Variants in MAGED1 observed in about 807,000 individuals in gnomAD.
MAGED1 encodes MAGE family member D1, also known as melanoma-associated antigen D1.
MAGED1 carries 3 observed loss-of-function variants against 54.1 expected under a neutral mutation model. That is an observed-to-expected ratio of 0.06 (90% confidence interval 0.03 to 0.14). The LOEUF (loss-of-function observed/expected upper bound fraction) is 0.14. Among genes scored for constraint, MAGED1 ranks in the 10% least tolerant of loss-of-function variants. MAGED1 has a pLI of 1.00. For synonymous variants in MAGED1, 217 were observed against 227.3 expected (o/e 0.95, Z 0.41); for missense variants, 485 against 623.4 (o/e 0.78, Z 2.36).
chrX:51,860,839 G>A (rs1927257182), intron 1 of MAGED1, among the ~76,000 whole-genome samples: 1 of 110,491 alleles, frequency 9.1e-6, no homozygotes, highest in Non-Finnish European at 1.9e-5. Flanking sequence ...AGGTAGGAGG[G>A]GGACCAGAGG....
At chrX:51,897,505 G>T (rs782748893) in intron 5 of MAGED1, 42 bp from the exon 6 acceptor site, 1 of 1,057,464 alleles carries the variant, frequency 9.5e-7, no homozygotes, top group East Asian at 3.0e-5. Flanking sequence ...GCTGCTCTGT[G>T]GCCCCCGCTC....
intron 1 of MAGED1, among the ~76,000 whole-genome samples, chrX:51,804,467 C>T (rs1376833579): frequency 4.5e-5 from 5 of 112,039 alleles, no homozygotes; most frequent in Admixed American, 3.8e-4. Context: ...CATTATTACA[C>T]AGCATTTAAA....
chrX:51,818,113 ACTTCCTCATTT>A (rs1925499013), intron 1 of MAGED1, among the ~76,000 whole-genome samples: 1 of 111,678 alleles, frequency 9.0e-6, no homozygotes, highest in African/African-American at 3.3e-5. Flanking sequence ...GGTTTTAGCA[ACTTCCTCATTT>A]CTCCCTCTGG....
chrX:51,840,372 A>G (rs1433431894), intron 1 of MAGED1, among the ~76,000 whole-genome samples: 1 of 110,810 alleles, frequency 9.0e-6, no homozygotes, highest in African/African-American at 3.3e-5. Flanking sequence ...CGGAGTATAA[A>G]AGGCTCTGCA....
At chrX:51,814,279 C>T (rs1001752942) in intron 1 of MAGED1, among the ~76,000 whole-genome samples, 6 of 111,599 alleles carry the variant, frequency 5.4e-5, no homozygotes, top group Non-Finnish European at 1.1e-4. Context: ...CTGCCGCTGC[C>T]GCTGCTGCTA....
intron 1 of MAGED1, among the ~76,000 whole-genome samples, chrX:51,884,062 G>C (rs1928157420): frequency 1.8e-5 from 2 of 111,373 alleles, no homozygotes; most frequent in Non-Finnish European, 3.8e-5. Flanking sequence ...TGTAATCACA[G>C]AAGAGAGAGA....
At chrX:51,865,749 GT>G (rs1168844524) in intron 1 of MAGED1, among the ~76,000 whole-genome samples, 2 of 111,608 alleles carry the variant, frequency 1.8e-5, no homozygotes, top group Non-Finnish European at 3.8e-5. Flanking sequence ...TTGGATTTGT[GT>G]CCCCACCTAA....
chrX:51,885,119 C>G (rs1557362738), intron 1 of MAGED1, among the ~76,000 whole-genome samples: 1 of 111,817 alleles, frequency 8.9e-6, no homozygotes, highest in Non-Finnish European at 1.9e-5. Flanking sequence ...TATGACAGTT[C>G]TGTTTTTAGT....
intron 1 of MAGED1, among the ~76,000 whole-genome samples, chrX:51,829,345 A>G (rs1229923861): frequency 1.8e-5 from 2 of 109,989 alleles, no homozygotes; most frequent in Non-Finnish European, 3.8e-5. Context: ...GTATATGTAT[A>G]TATATGTGAA....
At chrX:51,821,472 C>T (rs1925629676) in intron 1 of MAGED1, among the ~76,000 whole-genome samples, 1 of 111,127 alleles carries the variant, frequency 9.0e-6, no homozygotes, top group Non-Finnish European at 1.9e-5. Flanking sequence ...CTCACTGCAG[C>T]CTCGACCTCC....
intron 1 of MAGED1, among the ~76,000 whole-genome samples, chrX:51,855,769 G>T (rs1263806004): frequency 2.7e-5 from 3 of 110,733 alleles, no homozygotes; most frequent in Non-Finnish European, 5.7e-5. Flanking sequence ...CAAATGATCT[G>T]CCCGCCTCGG....
intron 2 of MAGED1, 140 bp downstream of exon 2, chrX:51,894,489 C>T (rs1027270988): frequency 9.8e-6 from 8 of 818,636 alleles, no homozygotes; most frequent in Non-Finnish European, 1.4e-5. Flanking sequence ...GAATTCCCAT[C>T]GTTTATCGAA....
At chrX:51,842,448 C>T (rs905472656) in intron 1 of MAGED1, among the ~76,000 whole-genome samples, 2 of 111,073 alleles carry the variant, frequency 1.8e-5, no homozygotes, top group African/African-American at 6.6e-5. Flanking sequence ...TGCATATCTT[C>T]TTTATGTAAA....
At chrX:51,828,941 T>TG (rs1925958028) in intron 1 of MAGED1, among the ~76,000 whole-genome samples, 2 of 111,485 alleles carry the variant, frequency 1.8e-5, no homozygotes, top group African/African-American at 6.5e-5. Flanking sequence ...TTTCTACTTG[T>TG]ATCACATCTC....
intron 1 of MAGED1, 51 bp from the exon 2 acceptor site, chrX:51,894,218 G>C (rs1365272968): frequency 5.6e-6 from 4 of 713,657 alleles, no homozygotes; most frequent in Non-Finnish European, 8.6e-6. Context: ...CTCCCAATTA[G>C]GTCCTTCGTA....
At chrX:51,815,669 G>C (rs2146952889) in intron 1 of MAGED1, among the ~76,000 whole-genome samples, 1 of 109,467 alleles carries the variant, frequency 9.1e-6, no homozygotes, top group East Asian at 2.9e-4. Context: ...TTTTAGGCGT[G>C]TGCCACCATG....
chrX:51,831,184 C>T (rs782543441), intron 1 of MAGED1, among the ~76,000 whole-genome samples: 4 of 112,509 alleles, frequency 3.6e-5, no homozygotes, highest in Non-Finnish European at 7.5e-5. Flanking sequence ...ATGATAACTA[C>T]ATATCAAGCA....
chrX:51,876,760 T>TTTTTC (rs201706791), intron 1 of MAGED1, among the ~76,000 whole-genome samples: 1,641 of 110,847 alleles, frequency 0.015, 27 homozygotes, highest in African/African-American at 0.04. Flanking sequence ...ACTGGGTACC[T>TTTTTC]TTTTCTTTTC....
chrX:51,831,641 AATAC>A (rs1569555578), intron 1 of MAGED1, among the ~76,000 whole-genome samples: 3 of 111,607 alleles, frequency 2.7e-5, no homozygotes, highest in Middle Eastern at 9.3e-3. Flanking sequence ...TAAATAAATA[AATAC>A]ATAATAATTT....
Sources: allele counts gnomAD v4.1 joint callset (sites outside exome capture counted in the v4.1 genomes callset), GRCh38; gene constraint gnomAD v4.1.1; transcripts MANE v1.5; gene names NCBI Gene and HGNC (gene_info 2026-07-23, HGNC 2026-07-21).